Variants in TMCO4 observed in about 807,000 individuals in gnomAD.
TMCO4 encodes the protein transmembrane and coiled-coil domain-containing protein 4.
In TMCO4, 58 loss-of-function variants were observed where a neutral mutation model predicts 64.7. That is an observed-to-expected ratio of 0.90 (90% CI 0.73 to 1.12). The LOEUF (loss-of-function observed/expected upper bound fraction) is 1.12, where lower values mean the gene tolerates loss of function less well. Ranked by LOEUF, TMCO4 falls within the 50% of genes most tolerant of loss-of-function variation. The probability of loss-of-function intolerance (pLI) is 0.00; values close to 1 mark genes in which losing one functional copy is unlikely to be tolerated. For synonymous variants in TMCO4, 325 were observed against 346.1 expected, an observed-to-expected ratio of 0.94 and a Z score of 0.68; for missense variants, 780 against 825.9, an observed-to-expected ratio of 0.94 and a Z score of 0.68.
intron 6 of TMCO4, among the ~76,000 whole-genome samples, chr1:19,760,634 G>A (rs1170135185): frequency 6.6e-6 from 1 of 152,294 alleles, no homozygotes; most frequent in Middle Eastern, 3.4e-3. Context: ...AAAGTACGTG[G>A]TGGGATTAAA....
intron 6 of TMCO4, among the ~76,000 whole-genome samples, chr1:19,760,412 G>GT (rs2042447011): frequency 6.6e-6 from 1 of 151,986 alleles, no homozygotes; most frequent in Admixed American, 6.6e-5. Flanking sequence ...TTATTTCTCC[G>GT]TATCTTTTTC....
rs2041740572 is a variant in TMCO4, at chr1:19,745,652, C to G, written c.758-1G>C. On this transcript the variant is annotated splice_acceptor_variant, in intron 9 of 15. Coordinates refer to ENST00000294543, the MANE Select transcript of TMCO4 (RefSeq NM_181719.7). LOFTEE classifies it high-confidence loss of function. ...CCCACTCGCTTCTTCATCTTGTATC[C>G]TAAAGACCCAGATCCGAGAAAGAGA... The G allele has an allele frequency of 1.2e-6, 2 of 1,606,914 alleles. 1 individual carries two copies. Among genetic ancestry groups the G allele is most frequent in the South Asian group, 2.2e-5 (2 of 90,098 alleles).
chr1:19,767,097 G>C (rs529042917), intron 6 of TMCO4, among the ~76,000 whole-genome samples: 3 of 152,300 alleles, frequency 2.0e-5, no homozygotes, highest in African/African-American at 7.2e-5. Context: ...TATTCCCATG[G>C]GGATGCTTCA....
chr1:19,765,582 C>T (rs1005709379), intron 6 of TMCO4, among the ~76,000 whole-genome samples: 1 of 152,130 alleles, frequency 6.6e-6, no homozygotes, highest in Non-Finnish European at 1.5e-5. Flanking sequence ...GATCCAGCCT[C>T]AAACATCAAT....
At chr1:19,769,459 G>A (rs143828268) in intron 6 of TMCO4, among the ~76,000 whole-genome samples, 4 of 152,216 alleles carry the variant, frequency 2.6e-5, no homozygotes, top group African/African-American at 9.6e-5. Context: ...CTTCCCCTGT[G>A]GCTCCTTCCC....
chr1:19,778,773 C>T (rs2043325609), intron 4 of TMCO4, among the ~76,000 whole-genome samples: 1 of 152,176 alleles, frequency 6.6e-6, no homozygotes, highest in Admixed American at 6.5e-5. Context: ...ATTAACCTAC[C>T]TCTTCTTTTC....
intron 15 of TMCO4, among the ~76,000 whole-genome samples, chr1:19,686,359 A>T (rs889944590): frequency 1.3e-5 from 2 of 152,230 alleles, no homozygotes; most frequent in African/African-American, 4.8e-5. Context: ...AAAAAAGGAC[A>T]GGAAAAACAC....
At position 19,743,776 on chromosome 1, in the gene TMCO4, A is replaced by C. The variant is rs2041638981; in HGVS notation, c.877+1756T>G. On this transcript the variant is annotated intron_variant, in intron 10 of 15. Coordinates refer to ENST00000294543, the MANE Select transcript of TMCO4 (RefSeq NM_181719.7). The surrounding 1 kb of genome is among the most constrained non-coding windows in gnomAD (Gnocchi z 4.1). The stretch of plus-strand genomic sequence containing the variant: ...AATGAAAAACCCTGGGCATTGGATC[A>C]GGAGACCTGGGTTTGAATTGTGCAT... 6.6e-6 allele frequency among the ~76,000 whole-genome samples: 1 copy of C among 152,210 alleles called. No individual in the cohort carries two copies. Among genetic ancestry groups the C allele is most frequent in the Non-Finnish European group, 1.5e-5 (1 of 68,040 alleles).
rs145480071 is a variant in TMCO4 at position 19,744,081 on chromosome 1, G to C, written c.877+1451C>G. Reference sequence around the variant, plus strand: ...TTCTTCTGTGTGGTTTGGCAGATCTGTGACTTCTGCCCTTAGGTCAGAGAC... The same window carrying C: ...TTCTTCTGTGTGGTTTGGCAGATCTCTGACTTCTGCCCTTAGGTCAGAGAC... On this transcript the variant is annotated intron_variant, in intron 10 of 15. Coordinates refer to ENST00000294543, the MANE Select transcript of TMCO4 (RefSeq NM_181719.7). Among the ~76,000 whole-genome samples the C allele has an allele frequency of 2.0e-4, 30 of 152,350 alleles. No individual in the cohort carries two copies. In the East Asian group the frequency reaches 4.2e-3, roughly 22 times the overall value.
chr1:19,707,505 C>G (rs1424370470), intron 13 of TMCO4, among the ~76,000 whole-genome samples: 1 of 152,188 alleles, frequency 6.6e-6, no homozygotes, highest in Non-Finnish European at 1.5e-5. Flanking sequence ...TGCCTGTAAT[C>G]CCAACTTCTT....
At chr1:19,792,530 A>G (rs1392220970) in intron 2 of TMCO4, among the ~76,000 whole-genome samples, 1 of 152,220 alleles carries the variant, frequency 6.6e-6, no homozygotes, top group Non-Finnish European at 1.5e-5. Context: ...CTGATGCCAT[A>G]AACAATACCA....
intron 13 of TMCO4, among the ~76,000 whole-genome samples, chr1:19,706,003 T>A (rs1240649860): frequency 6.6e-6 from 1 of 152,032 alleles, no homozygotes; most frequent in South Asian, 2.1e-4. Flanking sequence ...CAGGCTCAAG[T>A]GATTCTCCTA....
chr1:19,744,616 C>CCTGCCTT (rs2041680477), intron 10 of TMCO4, among the ~76,000 whole-genome samples: 2 of 152,160 alleles, frequency 1.3e-5, no homozygotes, highest in African/African-American at 2.4e-5. Context: ...CACCCACATT[C>CCTGCCTT]CTGCCTTCTG....
chr1:19,696,121 C>G (rs756015436), intron 14 of TMCO4, among the ~76,000 whole-genome samples: 2 of 152,194 alleles, frequency 1.3e-5, no homozygotes, highest in African/African-American at 2.4e-5. Flanking sequence ...CCACTGTGCT[C>G]CCTTATAAGC....
At chr1:19,796,305 G>C (rs1373157000) in intron 2 of TMCO4, among the ~76,000 whole-genome samples, 1 of 152,078 alleles carries the variant, frequency 6.6e-6, no homozygotes, top group African/African-American at 2.4e-5. Context: ...GGGGGTCAGG[G>C]GTTGCCACGC....
In TMCO4 at chr1:19,682,249, T is replaced by C. The variant is rs1570591753; in HGVS notation, c.*791A>G. ...CTCAAGAAGTGGTAGCTTCTTCTTA[T>C]TATTATTTATTGCTGTTGTTATCCC... On this transcript the variant is annotated 3_prime_UTR_variant, in exon 16 of 16. Coordinates refer to ENST00000294543, the MANE Select transcript of TMCO4 (RefSeq NM_181719.7). 5.2e-6 allele frequency: 1 copy of C among 193,546 alleles called. No individual in the cohort carries two copies. The highest frequency in any genetic ancestry group is 1.1e-4 in the East Asian group (1 of 8,702). 12.0% of individuals were successfully genotyped at this position (193,546 alleles called of 1,614,324 possible).
rs534239570 is a variant in TMCO4 at position 19,781,310 on chromosome 1, T to C, written c.-8-544A>G. ...ACTCCATCTCTACAGAAAAATAAAA[T>C]AAAATAATTAGCTGGGCATGGTGGC... On this transcript the variant is annotated intron_variant, in intron 3 of 15. Transcript: ENST00000294543. Among the ~76,000 whole-genome samples the C allele has an allele frequency of 3.0e-3, 452 of 151,534 alleles. 1 individual carries two copies. Among genetic ancestry groups the C allele is most frequent in the African/African-American group, 9.7e-3 (400 of 41,342 alleles).
intron 15 of TMCO4, among the ~76,000 whole-genome samples, chr1:19,687,836 A>C (rs2095161706): frequency 6.6e-6 from 1 of 152,192 alleles, no homozygotes; most frequent in Non-Finnish European, 1.5e-5. Context: ...GTCCTAGAAC[A>C]CACAGCTCTG....
At chr1:19,774,782 C>T (rs755131328) in intron 4 of TMCO4, among the ~76,000 whole-genome samples, 15 of 152,090 alleles carry the variant, frequency 9.9e-5, no homozygotes, top group South Asian at 6.2e-4. Context: ...CACCATGACC[C>T]CATGAGGAAG....
Sources: gnomAD v4.1 joint callset for allele counts (sites outside exome capture counted in the v4.1 genomes callset) on GRCh38, gnomAD v4.1.1 for gene constraint, Gnocchi (gnomAD v3.1) non-coding constraint, MANE v1.5 for transcripts, NCBI Gene and HGNC (gene_info 2026-07-23, HGNC 2026-07-21) for gene names.